CREBBP: variants seen among roughly 807,000 people sequenced by gnomAD.
CREBBP encodes CREB binding lysine acetyltransferase.
In CREBBP, 19 loss-of-function variants were observed where a neutral mutation model predicts 265.0. That is an observed-to-expected ratio of 0.07 (90% CI 0.05 to 0.11). The LOEUF is 0.11. CREBBP is among the 10% of genes least tolerant of loss of function. The pLI, the probability that CREBBP is intolerant of heterozygous loss-of-function variation, is 1.00. For missense variants in CREBBP, 2,525 were observed against 3,219.0 expected (o/e 0.78, Z 5.22); for synonymous variants, 1,457 against 1,223.7 (o/e 1.19, Z -3.98).
intron 20 of CREBBP, among the ~76,000 whole-genome samples, 153 bp downstream of exon 20, chr16:3,751,573 A>G (rs1029950107): frequency 9.9e-5 from 15 of 152,252 alleles, no homozygotes; most frequent in African/African-American, 3.6e-4. Flanking sequence ...CCCAGGTGAC[A>G]GAATGAGAAC....
At position 3,757,357 on chromosome 16, in the gene CREBBP, G is replaced by A. The variant is rs866432725; in HGVS notation, c.3629C>T (p.Thr1210Ile). ...CAGCTGCTTCCCATAGCAGCACAAA[G>A]TCTGTGGGGAAAACTCATACTGCAA... Reference protein sequence around the residue: ...CGRKYEFSPQTLCCYGKQLCT... With the variant: ...CGRKYEFSPQILCCYGKQLCT... The change falls in exon 19 of 31, where the codon ACT becomes ATT. Residue 1210 changes from threonine (T) to isoleucine (I), a missense_variant. Physicochemically the swap from Thr to Ile is moderately conservative, Grantham distance 89. This residue lies in a region of CREBBP where 252 missense variants were observed against 452.5 expected (regional missense o/e 0.56). Coordinates refer to ENST00000262367, the MANE Select transcript of CREBBP (RefSeq NM_004380.3). 6.2e-7 allele frequency: 1 copy of A among 1,613,758 alleles called. No individual in the cohort carries two copies. Among genetic ancestry groups the A allele is most frequent in the African/African-American group, 1.3e-5 (1 of 75,036 alleles).
intron 2 of CREBBP, chr16:3,840,438 G>T (rs2054544118): frequency 6.6e-6 from 1 of 152,502 alleles, no homozygotes; most frequent in African/African-American, 2.4e-5. Context: ...GCTCTTTCTG[G>T]TCTACCTTGT....
intron 3 of CREBBP, among the ~76,000 whole-genome samples, chr16:3,797,801 A>G (rs1459026339): frequency 6.6e-6 from 1 of 152,172 alleles, no homozygotes; most frequent in Admixed American, 6.5e-5. Context: ...CACATGAACT[A>G]AAGTGAATAA....
intron 16 of CREBBP, 96 bp from the exon 17 acceptor site, chr16:3,759,068 C>G: frequency 1.0e-6 from 1 of 962,194 alleles, no homozygotes; most frequent in Non-Finnish European, 1.7e-6. Context: ...TGTGACATCC[C>G]AGCCACGATG....
chr16:3,747,374 T>C (rs904491579), intron 21 of CREBBP, among the ~76,000 whole-genome samples: 3 of 152,238 alleles, frequency 2.0e-5, no homozygotes, highest in Non-Finnish European at 2.9e-5. Context: ...AGGGGCCTTG[T>C]AGTTTTATTG....
chr16:3,751,961 A>G, intron 19 of CREBBP, 155 bp from the exon 20 acceptor site: 1 of 723,140 alleles, frequency 1.4e-6, no homozygotes, highest in Non-Finnish European at 2.5e-6. Context: ...TGAAAGGAAC[A>G]GGGGGCAGGT....
rs772950054 is a variant in CREBBP, at chr16:3,728,765, C to T, written c.6282G>A (p.Pro2094=). Residue 2094 remains proline, a synonymous_variant, in exon 31 of 31, where the codon CCG becomes CCA. Transcript: ENST00000262367. This position sits in a 1 kb window ranked among gnomAD's most constrained non-coding sequence, Gnocchi z 8.7. ...GTTTGATGAAAGCTGCCATTAGCTGCGGGTTTGATTTGAGAATGTTCAGCA... is the reference window on the plus strand; with the variant it reads ...GTTTGATGAAAGCTGCCATTAGCTGTGGGTTTGATTTGAGAATGTTCAGCA... The part of the protein sequence containing the change: ...QQVLNILKSN[P]QLMAAFIKQR... 16 of 1,613,722 alleles carry T rather than the reference C, an allele frequency of 9.9e-6. No homozygotes were observed. Among genetic ancestry groups the T allele is most frequent in the African/African-American group, 2.7e-5 (2 of 74,900 alleles).
Position 3,725,528 on chromosome 16 carries a change from G to A in CREBBP, c.*2190C>T, listed in dbSNP as rs1044123791. ...AGATGAAGAGGACACTGGAGGTTAA[G>A]AACCCAGCAGGCCGAGCAGTGGCAG... On this transcript the variant is annotated 3_prime_UTR_variant, in exon 31 of 31. Coordinates refer to ENST00000262367, the MANE Select transcript of CREBBP (RefSeq NM_004380.3). 1.3e-5 allele frequency: 3 copies of A among 233,220 alleles called. No individual in the cohort carries two copies. Among genetic ancestry groups the A allele is most frequent in the Non-Finnish European group, 2.5e-5 (3 of 118,076 alleles). 14.4% of individuals were successfully genotyped at this position (233,220 alleles called of 1,614,324 possible).
At chr16:3,800,307 C>A (rs1034469845) in intron 3 of CREBBP, among the ~76,000 whole-genome samples, 3 of 152,080 alleles carry the variant, frequency 2.0e-5, no homozygotes, top group Non-Finnish European at 4.4e-5. Flanking sequence ...TTTGTAGAGA[C>A]AGAGTCTTGC....
At chr16:3,791,908 C>T in intron 5 of CREBBP, 73 bp downstream of exon 5, 2 of 1,308,786 alleles carry the variant, frequency 1.5e-6, no homozygotes, top group South Asian at 1.2e-5. Context: ...CACTCCCTAC[C>T]TACTCTCTGA....
chr16:3,788,267 T>C (rs946725851), intron 5 of CREBBP, among the ~76,000 whole-genome samples: 5 of 152,218 alleles, frequency 3.3e-5, no homozygotes, highest in African/African-American at 1.2e-4. Context: ...TCCAGAGCAG[T>C]GCATCTCAGA....
intron 2 of CREBBP, among the ~76,000 whole-genome samples, chr16:3,837,256 A>G (rs2054471917): frequency 6.6e-6 from 1 of 152,038 alleles, no homozygotes; most frequent in Non-Finnish European, 1.5e-5. Context: ...GGCTTAGGCT[A>G]GTGTGTGTGT....
At position 3,760,329 on chromosome 16, in the gene CREBBP, C is replaced by T. The variant is rs141378218; in HGVS notation, c.3251-1357G>A. On this transcript the variant is annotated intron_variant, in intron 16 of 30. Coordinates refer to ENST00000262367, the MANE Select transcript of CREBBP (RefSeq NM_004380.3). ...CTGGTCTCGAACTCCTGAGCTCAAG[C>T]GCTCCCCCTGCCTCAGCCTTCCAAA... Among the ~76,000 whole-genome samples the T allele has an allele frequency of 4.1e-3, 609 of 149,872 alleles. 3 individuals are homozygous for T. The highest frequency in any genetic ancestry group is 0.014 in the African/African-American group (582 of 40,848).
At chr16:3,780,582 C>T in intron 8 of CREBBP, 150 bp downstream of exon 8, 2 of 797,354 alleles carry the variant, frequency 2.5e-6, no homozygotes, top group Non-Finnish European at 4.1e-6. Context: ...TCTGGCCTGC[C>T]TAGGGCTGCC....
intron 21 of CREBBP, among the ~76,000 whole-genome samples, chr16:3,745,992 G>A (rs1384797909): frequency 1.3e-5 from 2 of 152,164 alleles, no homozygotes; most frequent in African/African-American, 2.4e-5. Flanking sequence ...ACTGTTCTAC[G>A]GCAGCCCACA....
At chr16:3,736,348 AC>A in intron 27 of CREBBP, 145 bp from the exon 28 acceptor site, 2 of 869,512 alleles carry the variant, frequency 2.3e-6, no homozygotes, top group Non-Finnish European at 3.7e-6. Flanking sequence ...AGTGCAGCAG[AC>A]CCCCACACAT....
intron 1 of CREBBP, among the ~76,000 whole-genome samples, chr16:3,863,632 C>T (rs960423802): frequency 6.6e-6 from 1 of 152,104 alleles, no homozygotes; most frequent in Non-Finnish European, 1.5e-5. Context: ...AAACCCTAGA[C>T]AGTCCTTATT....
intron 8 of CREBBP, among the ~76,000 whole-genome samples, chr16:3,780,235 C>G (rs139737018): frequency 7.9e-6 from 1 of 126,024 alleles, no homozygotes. Flanking sequence ...GAGCGAGACT[C>G]TGTCTCAAAA....
chr16:3,788,782 T>C (rs1348890013), intron 5 of CREBBP, among the ~76,000 whole-genome samples: 2 of 152,138 alleles, frequency 1.3e-5, no homozygotes, highest in Non-Finnish European at 2.9e-5. Flanking sequence ...TGAAACCCCA[T>C]CTCTACAAAA....
Sources: allele counts gnomAD v4.1 joint callset (sites outside exome capture counted in the v4.1 genomes callset), GRCh38; gene constraint gnomAD v4.1.1; regional missense constraint gnomAD v4.1.1; non-coding constraint Gnocchi (gnomAD v3.1); transcripts MANE v1.5; gene names NCBI Gene and HGNC (gene_info 2026-07-23, HGNC 2026-07-21).